GID8: variants seen among roughly 807,000 people sequenced by gnomAD.
GID8 encodes glucose-induced degradation protein 8 homolog.
In GID8, 6 loss-of-function variants were observed where a neutral mutation model predicts 27.4. That is an observed-to-expected ratio of 0.22 (90% CI 0.12 to 0.43). The LOEUF (loss-of-function observed/expected upper bound fraction) is 0.43, where lower values mean the gene tolerates loss of function less well. Ranked by LOEUF, GID8 falls within the 20% of genes least tolerant of loss-of-function variation. GID8 has a pLI of 1.00. For missense variants in GID8, 173 were observed against 287.6 expected (o/e 0.60, Z 2.88); for synonymous variants, 112 against 109.0 (o/e 1.03, Z -0.17).
chr20:62,938,725 A>G (rs889468129), intron 1 of GID8: 4 of 152,090 alleles, frequency 2.6e-5, no homozygotes, highest in African/African-American at 9.7e-5. Context: ...TGCTAACAGG[A>G]CTGGCCAGTT....
At chr20:62,939,160 A>T (rs528719322) in intron 1 of GID8, among the ~76,000 whole-genome samples, 6 of 152,108 alleles carry the variant, frequency 3.9e-5, no homozygotes, top group Admixed American at 2.6e-4. Context: ...GTTACCATTA[A>T]TTGTCGTGAA....
rs991156305 is a variant in GID8, at chr20:62,945,045, T to C, written c.*133T>C. On this transcript the variant is annotated 3_prime_UTR_variant, in exon 5 of 5. Coordinates refer to ENST00000266069, the MANE Select transcript of GID8 (RefSeq NM_017896.3). ...CCTTGTACTTTTTTTTGACCTGGCA[T>C]CTTTTTATAGGGAAAAATGGCCTTT... The C allele has an allele frequency of 7.0e-7, 1 of 1,432,354 alleles. No homozygotes were observed. The highest frequency in any genetic ancestry group is 1.4e-5 in the African/African-American group (1 of 69,706). 88.7% of individuals were successfully genotyped at this position (1,432,354 alleles called of 1,614,324 possible). A position where few individuals can be genotyped will look rare whatever the true frequency, so the allele number is the denominator to read the frequency against.
intron 4 of GID8, among the ~76,000 whole-genome samples, 194 bp from the exon 5 acceptor site, chr20:62,944,545 T>A (rs763055106): frequency 6.6e-6 from 1 of 152,216 alleles, no homozygotes; most frequent in African/African-American, 2.4e-5. Context: ...CTCATGGCAC[T>A]TAACTGCCAT....
At chr20:62,940,061 A>T (rs1374683255) in intron 1 of GID8, among the ~76,000 whole-genome samples, 3 of 152,128 alleles carry the variant, frequency 2.0e-5, no homozygotes, top group Non-Finnish European at 4.4e-5. Context: ...AAAAACAAAC[A>T]AAATAGGTTT....
rs529787479 is a variant in GID8, at chr20:62,948,466, T to G, written c.*3554T>G. On this transcript the variant is annotated 3_prime_UTR_variant, in exon 5 of 5. Transcript: ENST00000266069. ...ATGTAACAGTAAAAGTTTTCACATT[T>G]TTCTCAGAACTGTTATCTGGAAGCT... The G allele has an allele frequency of 5.9e-5, 9 of 152,364 alleles. No homozygotes were observed. The East Asian group carries it at 1.2e-3, about 20-fold the overall frequency. 9.4% of individuals were successfully genotyped at this position (152,364 alleles called of 1,614,324 possible). A position where few individuals can be genotyped will look rare whatever the true frequency, so the allele number is the denominator to read the frequency against.
rs1482774457 is a variant in GID8, at chr20:62,943,600, A to G, written c.421A>G (p.Thr141Ala). 6.2e-7 allele frequency: 1 copy of G among 1,613,800 alleles called. No homozygotes were observed. The highest frequency in any genetic ancestry group is 1.1e-5 in the South Asian group (1 of 91,080). Residue 141 changes from threonine (T) to alanine (A), a missense_variant, in exon 4 of 5, where the codon ACA (threonine) becomes GCA (alanine). By Grantham distance (58) the Thr-to-Ala change is moderately conservative. Coordinates refer to ENST00000266069, the MANE Select transcript of GID8 (RefSeq NM_017896.3). The surrounding 1 kb of genome is among the most constrained non-coding windows in gnomAD (Gnocchi z 4.7). ...EQGEESRECL[T>A]EMERTLALLA... ...GGGCGAGGAGAGCCGAGAGTGCCTCACAGAGATGGAGCGTACCCTGGCACT... is the reference window on the plus strand; with the variant it reads ...GGGCGAGGAGAGCCGAGAGTGCCTCGCAGAGATGGAGCGTACCCTGGCACT...
Position 62,943,836 on chromosome 20 carries a change from C to CA in GID8, c.513+144_513+145insA. The stretch of plus-strand genomic sequence containing the variant: ...GGGATGCTAAGTGGTTCCTTCATGG[C>CA]TTTTTTTTTTTTTTTTGGAGGTGAA... On this transcript the variant is annotated intron_variant, in intron 4 of 4. Coordinates refer to ENST00000266069, the MANE Select transcript of GID8 (RefSeq NM_017896.3). This position sits in a 1 kb window ranked among gnomAD's most constrained non-coding sequence, Gnocchi z 4.7. The CA allele has an allele frequency of 2.0e-6, 1 of 510,130 alleles. No individual in the cohort carries two copies. Among genetic ancestry groups the CA allele is most frequent in the East Asian group, 3.2e-5 (1 of 31,338 alleles). The allele number at this position is 510,130 out of a possible 1,614,324, so 31.6% of individuals were successfully genotyped here. A position where few individuals can be genotyped will look rare whatever the true frequency, so the allele number is the denominator to read the frequency against.
chr20:62,941,532 C>A lies in GID8; in HGVS notation c.30C>A (p.Ile10=). The A allele has an allele frequency of 6.2e-7, 1 of 1,612,180 alleles. No individual in the cohort carries two copies. Among genetic ancestry groups the A allele is most frequent in the Middle Eastern group, 1.7e-4 (1 of 6,060 alleles). The change falls in exon 2 of 5, where the codon ATC becomes ATA. Residue 10 remains isoleucine (I), a synonymous_variant. Transcript: ENST00000266069. ...GTTATGCAGAAAAACCCGATGAAAT[C>A]ACGAAAGATGAGTGGATGGAAAAGC... MSYAEKPDE[I]TKDEWMEKLN...
rs1410968030 is a variant in GID8, at chr20:62,946,520, C to T, written c.*1608C>T. On this transcript the variant is annotated 3_prime_UTR_variant, in exon 5 of 5. Transcript: ENST00000266069. The stretch of plus-strand genomic sequence containing the variant: ...GGAGCTTTTGGCAGTGTTTACTTTA[C>T]CTAGATGGCTTATATAATCCAGTAA... 2 of 154,476 alleles carry T rather than the reference C, an allele frequency of 1.3e-5. No homozygotes were observed. Among genetic ancestry groups the T allele is most frequent in the African/African-American group, 4.8e-5 (2 of 41,454 alleles). 9.6% of individuals were successfully genotyped at this position (154,476 alleles called of 1,614,324 possible).
At chr20:62,939,292 G>T (rs1483189373) in intron 1 of GID8, among the ~76,000 whole-genome samples, 1 of 152,022 alleles carries the variant, frequency 6.6e-6, no homozygotes, top group African/African-American at 2.4e-5. Context: ...TCTTCTGCTG[G>T]TGCCACTTTC....
At position 62,941,476 on chromosome 20, in the gene GID8, A is replaced by T. The variant is rs879676292; in HGVS notation, c.-12-15A>T. The T allele has an allele frequency of 1.4e-6, 2 of 1,437,084 alleles. No individual in the cohort carries two copies. Among genetic ancestry groups the T allele is most frequent in the Non-Finnish European group, 2.0e-6 (2 of 1,018,902 alleles). 89.0% of individuals were successfully genotyped at this position (1,437,084 alleles called of 1,614,324 possible). ...CATCTAAACCCCTCCCTCAGCTGTT[A>T]TTTTTTTCCTGTAGAAATAAATCAG... On this transcript the variant is annotated splice_polypyrimidine_tract_variant and intron_variant, in intron 1 of 4. Transcript: ENST00000266069.
intron 2 of GID8, among the ~76,000 whole-genome samples, chr20:62,942,297 T>A (rs1001432373): frequency 1.3e-5 from 2 of 151,556 alleles, no homozygotes; most frequent in South Asian, 4.2e-4. Flanking sequence ...AAAAAAAAAA[T>A]GTTAATTAGC....
chr20:62,938,373 C>G (rs1227723668), intron 1 of GID8, 120 bp downstream of exon 1: 1 of 151,602 alleles, frequency 6.6e-6, no homozygotes, highest in Admixed American at 6.6e-5. Context: ...CTTGGAAGCG[C>G]CGGCGCTGGC....
Position 62,943,722 on chromosome 20 carries a change from C to A in GID8, c.513+30C>A. On this transcript the variant is annotated intron_variant, in intron 4 of 4. Transcript: ENST00000266069. The surrounding 1 kb of genome is among the most constrained non-coding windows in gnomAD (Gnocchi z 4.7). ...GGCCTGCCAGAGGGAAGCTTTCTTCCATTCCCCATGTGCTCTGAGGGGGCT... is the reference window on the plus strand; with the variant it reads ...GGCCTGCCAGAGGGAAGCTTTCTTCAATTCCCCATGTGCTCTGAGGGGGCT... 1.9e-6 allele frequency: 3 copies of A among 1,561,378 alleles called. No individual in the cohort carries two copies. Among genetic ancestry groups the A allele is most frequent in the Non-Finnish European group, 2.6e-6 (3 of 1,133,388 alleles).
At chr20:62,942,767 T>G (rs1469270616) in intron 2 of GID8, among the ~76,000 whole-genome samples, 1 of 152,242 alleles carries the variant, frequency 6.6e-6, no homozygotes, top group East Asian at 1.9e-4. Context: ...TTAGAGTTTT[T>G]GGATGGGATA....
rs1431196578 is a variant in GID8, at chr20:62,943,541, C to T, written c.362C>T (p.Ala121Val). Reference protein sequence around the residue: ...ELIRQRETEAALEFAQTQLAE... With the variant: ...ELIRQRETEAVLEFAQTQLAE... ...ATCCGCCAGCGGGAGACAGAGGCGG[C>T]GCTGGAGTTTGCACAGACTCAGCTG... Residue 121 changes from alanine to valine, a missense_variant, in exon 4 of 5, where the codon GCG becomes GTG. Ala to Val is a moderately conservative substitution (Grantham distance 64). Transcript: ENST00000266069. The surrounding 1 kb of genome is among the most constrained non-coding windows in gnomAD (Gnocchi z 4.7). 8.7e-6 allele frequency: 14 copies of T among 1,612,990 alleles called. No individual in the cohort carries two copies. The highest frequency in any genetic ancestry group is 2.2e-5 in the East Asian group (1 of 44,872).
At chr20:62,941,186 A>G (rs1420893426) in intron 1 of GID8, among the ~76,000 whole-genome samples, 1 of 152,258 alleles carries the variant, frequency 6.6e-6, no homozygotes, top group Non-Finnish European at 1.5e-5. Flanking sequence ...GAGTTTTTCT[A>G]GAATATAAAT....
At chr20:62,940,294 C>T (rs2065437015) in intron 1 of GID8, among the ~76,000 whole-genome samples, 1 of 150,348 alleles carries the variant, frequency 6.7e-6, no homozygotes, top group South Asian at 2.1e-4. Context: ...ACGCCATTCT[C>T]CTACCTCAGC....
chr20:62,944,703 G>C (rs564173060), intron 4 of GID8, 36 bp from the exon 5 acceptor site: 11 of 1,421,604 alleles, frequency 7.7e-6, no homozygotes, highest in Non-Finnish European at 1.1e-5. Flanking sequence ...TGCTCTGCGT[G>C]TATGGTGGTT....
Sources: allele counts gnomAD v4.1 joint callset (sites outside exome capture counted in the v4.1 genomes callset), GRCh38; gene constraint gnomAD v4.1.1; non-coding constraint Gnocchi (gnomAD v3.1); transcripts MANE v1.5; gene names NCBI Gene and HGNC (gene_info 2026-07-23, HGNC 2026-07-21).